The following SLC60A1 variants were observed in gnomAD, a reference collection of about 807,000 sequenced individuals.
SLC60A1 encodes major facilitator superfamily domain containing 4.
At chr1:205,588,469 C>CAAA in the SLC60A1 span, among the ~76,000 whole-genome samples, 1,708 of 84,624 alleles carry the variant, frequency 0.02, 65 homozygotes, top group East Asian at 0.028. Context: ...GACTTCAAAT[C>CAAA]AAAAAAAAAA....
chr1:205,590,515 C>T, the SLC60A1 span, among the ~76,000 whole-genome samples: 2 of 152,304 alleles, frequency 1.3e-5, no homozygotes, highest in South Asian at 2.1e-4. Flanking sequence ...CTCTGAGCCT[C>T]GAGACCACCT....
At chr1:205,582,191 G>A in the SLC60A1 span, among the ~76,000 whole-genome samples, 2 of 152,344 alleles carry the variant, frequency 1.3e-5, no homozygotes, top group South Asian at 4.1e-4. Context: ...AAGGAAAGGA[G>A]CAGTGTCAGT....
the SLC60A1 span, chr1:205,601,915 A>C: frequency 6.6e-6 from 1 of 152,154 alleles, no homozygotes; most frequent in African/African-American, 2.4e-5. Context: ...AGGGAAAAAA[A>C]CTCTTTATAC....
At chr1:205,580,908 T>C in the SLC60A1 span, 2 of 1,613,418 alleles carry the variant, frequency 1.2e-6, no homozygotes, top group Non-Finnish European at 8.5e-7. The surrounding 1 kb of genome is among the most constrained non-coding windows in gnomAD (Gnocchi z 5.0). Context: ...TTCTGGATCA[T>C]GGCCCTCATC....
chr1:205,574,491 T>C, the SLC60A1 span, among the ~76,000 whole-genome samples: 1 of 152,106 alleles, frequency 6.6e-6, no homozygotes, highest in Non-Finnish European at 1.5e-5. Context: ...ATTAATTCAC[T>C]CATTCAACAA....
chr1:205,580,829 C>A, the SLC60A1 span: 1 of 1,614,200 alleles, frequency 6.2e-7, no homozygotes, highest in Non-Finnish European at 8.5e-7. The surrounding 1 kb of genome is among the most constrained non-coding windows in gnomAD (Gnocchi z 5.0). Flanking sequence ...AGATGCCAAG[C>A]CTTGGTCCAA....
chr1:205,592,383 T>TAA, the SLC60A1 span: 274 of 1,198,056 alleles, frequency 2.3e-4, 4 homozygotes, highest in South Asian at 2.2e-3. Context: ...TTTTTTTTTT[T>TAA]AATTTTATTA....
chr1:205,584,562 A>AG, the SLC60A1 span, among the ~76,000 whole-genome samples: 32,804 of 132,190 alleles, frequency 0.25, 4,382 homozygotes, highest in Non-Finnish European at 0.29. Flanking sequence ...AAAAAAAAAA[A>AG]AAAAGAAAAT....
At chr1:205,573,464 C>A in the SLC60A1 span, among the ~76,000 whole-genome samples, 1 of 151,876 alleles carries the variant, frequency 6.6e-6, no homozygotes, top group African/African-American at 2.4e-5. Context: ...AACGGAATAT[C>A]ACTCAGCCAT....
the SLC60A1 span, chr1:205,600,111 G>A: frequency 2.0e-5 from 6 of 306,830 alleles, no homozygotes; most frequent in Admixed American, 9.5e-5. Context: ...ACACACAGGA[G>A]TTTCATTTAA....
the SLC60A1 span, among the ~76,000 whole-genome samples, chr1:205,570,037 A>G: frequency 6.6e-6 from 1 of 150,678 alleles, no homozygotes; most frequent in African/African-American, 2.4e-5. Flanking sequence ...CCTGGTGCCA[A>G]GGTTCCCCTC....
the SLC60A1 span, among the ~76,000 whole-genome samples, chr1:205,590,060 G>A: frequency 5.3e-5 from 8 of 152,204 alleles, no homozygotes; most frequent in East Asian, 1.5e-3. Flanking sequence ...ATTGGCAGAG[G>A]AAATTAAGAG....
At chr1:205,586,020 C>T in the SLC60A1 span, 637 of 1,574,702 alleles carry the variant, frequency 4.0e-4, 5 homozygotes, top group African/African-American at 6.7e-3. Flanking sequence ...CAACAGCGCC[C>T]GGTCTCTCCA....
At chr1:205,583,203 C>A in the SLC60A1 span, among the ~76,000 whole-genome samples, 1 of 152,308 alleles carries the variant, frequency 6.6e-6, no homozygotes, top group East Asian at 1.9e-4. Flanking sequence ...ACCTCAGAAG[C>A]AGGAGCCATT....
the SLC60A1 span, among the ~76,000 whole-genome samples, chr1:205,571,375 C>T: frequency 2.0e-5 from 3 of 152,162 alleles, no homozygotes; most frequent in Admixed American, 2.0e-4. Context: ...GCAGATCAGG[C>T]ACAGGTTTGG....
chr1:205,591,967 C>T, the SLC60A1 span: 2 of 812,440 alleles, frequency 2.5e-6, no homozygotes, highest in South Asian at 1.8e-5. Context: ...CAGAACGGTC[C>T]CCGGAACACT....
chr1:205,585,060 C>A, the SLC60A1 span: 1 of 1,340,812 alleles, frequency 7.5e-7, no homozygotes, highest in Non-Finnish European at 1.1e-6. This position sits in a 1 kb window ranked among gnomAD's most constrained non-coding sequence, Gnocchi z 4.2. Flanking sequence ...CTGGGAAAGG[C>A]AAGAGAAAGA....
At chr1:205,573,177 G>A in the SLC60A1 span, among the ~76,000 whole-genome samples, 34 of 152,248 alleles carry the variant, frequency 2.2e-4, no homozygotes, top group Non-Finnish European at 5.9e-5. Flanking sequence ...TTGGGAGGCT[G>A]AGGCGGGTAG....
At chr1:205,600,246 CT>C in the SLC60A1 span, 28 of 614,966 alleles carry the variant, frequency 4.6e-5, no homozygotes, top group Non-Finnish European at 7.3e-5. Context: ...CCTCCACCAA[CT>C]GTTCGCCAGA....
Sources: gnomAD v4.1 joint callset for allele counts (sites outside exome capture counted in the v4.1 genomes callset) on GRCh38, gnomAD v4.1.1 for gene constraint, Gnocchi (gnomAD v3.1) non-coding constraint, MANE v1.5 for transcripts, NCBI Gene and HGNC (gene_info 2026-07-23, HGNC 2026-07-21) for gene names.